PDE3B: variants seen among roughly 807,000 people sequenced by gnomAD.
The protein encoded by PDE3B is cGMP-inhibited 3',5'-cyclic phosphodiesterase 3B.
PDE3B carries 66 observed loss-of-function variants against 116.8 expected under a neutral mutation model. The observed-to-expected ratio is 0.56, with a 90% CI of 0.46 to 0.69. The LOEUF (loss-of-function observed/expected upper bound fraction) is 0.69, where lower values mean the gene tolerates loss of function less well. PDE3B is among the 30% of genes least tolerant of loss of function. PDE3B has a pLI of 0.00. For missense variants in PDE3B, 1,384 were observed against 1,368.1 expected (o/e 1.01, Z -0.18); for synonymous variants, 595 against 533.6 (o/e 1.12, Z -1.59).
At chr11:14,666,127 C>T (rs1394841571) in intron 1 of PDE3B, among the ~76,000 whole-genome samples, 1,866 of 146,316 alleles carry the variant, frequency 0.013, 34 homozygotes, top group African/African-American at 0.043. Context: ...GAAATAACGC[C>T]GCATATCTAC....
chr11:14,690,914 A>C (rs933913854), intron 1 of PDE3B, among the ~76,000 whole-genome samples: 8 of 152,158 alleles, frequency 5.3e-5, no homozygotes, highest in Non-Finnish European at 1.2e-4. Flanking sequence ...AGCAAGGTCC[A>C]GGGAAGTTTT....
At chr11:14,879,120 A>T in the PDE3B span, 8 of 1,610,310 alleles carry the variant, frequency 5.0e-6, no homozygotes, top group South Asian at 5.5e-5. Flanking sequence ...TTACCTAGGG[A>T]AAAAGGAACC....
intron 5 of PDE3B, among the ~76,000 whole-genome samples, chr11:14,810,141 C>A (rs1859077748): frequency 6.6e-6 from 1 of 151,670 alleles, no homozygotes; most frequent in Non-Finnish European, 1.5e-5. Flanking sequence ...ATAATAAAAC[C>A]ATTAAAAGTT....
At chr11:14,719,034 TAAAG>T (rs1856014918) in intron 1 of PDE3B, among the ~76,000 whole-genome samples, 1 of 109,834 alleles carries the variant, frequency 9.1e-6, no homozygotes, top group Admixed American at 1.0e-4. Flanking sequence ...GCAAGACTAA[TAAAG>T]AAAAAAAGAG....
chr11:14,772,184 G>A (rs960625847), intron 2 of PDE3B, 197 bp downstream of exon 2: 5 of 290,552 alleles, frequency 1.7e-5, no homozygotes, highest in Non-Finnish European at 3.2e-5. Flanking sequence ...AATTATAAGG[G>A]AAAAAGAAAA....
At chr11:14,787,412 A>G (rs1311850477) in intron 3 of PDE3B, among the ~76,000 whole-genome samples, 1 of 152,010 alleles carries the variant, frequency 6.6e-6, no homozygotes, top group African/African-American at 2.4e-5. Context: ...TATTCCAGAT[A>G]AGGAAACTAA....
At chr11:14,705,121 G>A (rs1413406958) in intron 1 of PDE3B, among the ~76,000 whole-genome samples, 2 of 151,702 alleles carry the variant, frequency 1.3e-5, no homozygotes, top group African/African-American at 2.4e-5. Flanking sequence ...AAATAGTTTG[G>A]CAGTTTAGCA....
chr11:14,741,679 A>G (rs1337710208), intron 1 of PDE3B, among the ~76,000 whole-genome samples: 3 of 152,136 alleles, frequency 2.0e-5, no homozygotes, highest in African/African-American at 7.2e-5. Flanking sequence ...GTTTCTTCAT[A>G]GTGTCGATGG....
Position 14,777,094 on chromosome 11 carries a change from G to T in PDE3B, c.1029+5107G>T, listed in dbSNP as rs981112184. On this transcript the variant is annotated intron_variant, in intron 2 of 15. Coordinates refer to ENST00000282096, the MANE Select transcript of PDE3B (RefSeq NM_000922.4). ...AGAAACAAATGGAAAGTATAGAGCT[G>T]AAAAATACAATAATAGAAATTTAAA... is the stretch of plus-strand genomic sequence containing the variant. Among the ~76,000 whole-genome samples, 5 of 152,054 alleles carry T rather than the reference G, an allele frequency of 3.3e-5. No individual in the cohort carries two copies. The South Asian group carries it at 6.2e-4, about 19-fold the overall frequency.
intron 7 of PDE3B, among the ~76,000 whole-genome samples, chr11:14,819,517 G>A (rs919367774): frequency 9.2e-5 from 14 of 151,904 alleles, no homozygotes; most frequent in Non-Finnish European, 1.5e-4. Flanking sequence ...AAATCCAAAC[G>A]GTTTTGCATA....
At chr11:14,897,856 C>T in the PDE3B span, among the ~76,000 whole-genome samples, 1 of 152,326 alleles carries the variant, frequency 6.6e-6, no homozygotes, top group South Asian at 2.1e-4. Context: ...GGCCATAATG[C>T]ATCTCTACCT....
chr11:14,895,952 G>A, the PDE3B span, among the ~76,000 whole-genome samples: 1 of 98,632 alleles, frequency 1.0e-5, no homozygotes, highest in East Asian at 4.2e-4. Flanking sequence ...GGTGGGTGTG[G>A]GGGTTTCAGA....
the PDE3B span, chr11:14,886,493 C>T: frequency 6.5e-6 from 1 of 154,010 alleles, no homozygotes; most frequent in Non-Finnish European, 1.4e-5. Context: ...GGGAACCTAA[C>T]CTTGGAGGAA....
intron 1 of PDE3B, among the ~76,000 whole-genome samples, chr11:14,737,601 A>G (rs962998954): frequency 6.6e-6 from 1 of 152,192 alleles, no homozygotes; most frequent in African/African-American, 2.4e-5. Context: ...TGAAATTTGC[A>G]TAGCCTAAAA....
the PDE3B span, chr11:14,885,646 A>G: frequency 1.0e-6 from 1 of 968,112 alleles, no homozygotes; most frequent in South Asian, 1.5e-5. Context: ...CTCAAATACT[A>G]GGTTCTGTAA....
intron 1 of PDE3B, among the ~76,000 whole-genome samples, chr11:14,767,233 G>A (rs1159919477): frequency 2.0e-5 from 3 of 151,494 alleles, no homozygotes; most frequent in Non-Finnish European, 3.0e-5. Context: ...ACTTTCCATA[G>A]CTTCATGTCA....
At chr11:14,670,706 G>A (rs377508629) in intron 1 of PDE3B, among the ~76,000 whole-genome samples, 46 of 152,128 alleles carry the variant, frequency 3.0e-4, no homozygotes, top group African/African-American at 1.0e-3. Context: ...AACCATAATA[G>A]TCTATTACTT....
At chr11:14,693,793 G>A (rs1410944329) in intron 1 of PDE3B, among the ~76,000 whole-genome samples, 2 of 152,148 alleles carry the variant, frequency 1.3e-5, no homozygotes, top group Non-Finnish European at 2.9e-5. Flanking sequence ...TGCAGCCCAT[G>A]GATCAAGGAG....
At chr11:14,731,254 G>GTT (rs1856448523) in intron 1 of PDE3B, among the ~76,000 whole-genome samples, 2 of 139,822 alleles carry the variant, frequency 1.4e-5, no homozygotes, top group African/African-American at 5.2e-5. Flanking sequence ...ATTTTACTTT[G>GTT]ATTTTTTTTT....
Sources: allele counts gnomAD v4.1 joint callset (sites outside exome capture counted in the v4.1 genomes callset), GRCh38; gene constraint gnomAD v4.1.1; transcripts MANE v1.5; gene names NCBI Gene and HGNC (gene_info 2026-07-23, HGNC 2026-07-21).